The following FANCD2OS variants were observed in gnomAD, a reference collection of about 807,000 sequenced individuals.
FANCD2OS encodes the protein FANCD2 opposite strand protein.
In FANCD2OS, 11 loss-of-function variants were observed where a neutral mutation model predicts 13.2. That is an observed-to-expected ratio of 0.83 (90% CI 0.52 to 1.38). The LOEUF is 1.38. FANCD2OS is among the 40% of genes most tolerant of loss of function. The probability of loss-of-function intolerance (pLI) is 0.00; values close to 1 mark genes in which losing one functional copy is unlikely to be tolerated. For synonymous variants in FANCD2OS, 69 were observed against 84.5 expected (o/e 0.82, Z 1.01); for missense variants, 217 against 213.9 (o/e 1.01, Z -0.09).
rs771839228 is a variant in FANCD2OS, at chr3:10,094,333, G to A, written c.*43+9865C>T. 8.7e-6 allele frequency: 14 copies of A among 1,613,774 alleles called. No homozygotes were observed. The highest frequency in any genetic ancestry group is 4.0e-5 in the African/African-American group (3 of 74,870). Reference sequence around the variant, plus strand: ...AAGCATTTCTGAAGCAATGTATGCCGCTCCTAGACTTCAGTTTTAGAAAAC... The same window carrying A: ...AAGCATTTCTGAAGCAATGTATGCCACTCCTAGACTTCAGTTTTAGAAAAC... On this transcript the variant is annotated intron_variant, in intron 2 of 2. Coordinates refer to the FANCD2OS transcript ENST00000524279.
chr3:10,107,405 A>G (rs551924853), intron 1 of FANCD2OS, among the ~76,000 whole-genome samples: 3 of 151,898 alleles, frequency 2.0e-5, no homozygotes, highest in African/African-American at 7.2e-5. Flanking sequence ...CTCCTGCCTC[A>G]GCCTCCCGTA....
In FANCD2OS at chr3:10,104,136, G is replaced by A. The variant is rs1695401636; in HGVS notation, c.*105C>T. ...TCACTGCTTGAAACAAAAGCAAGAT[G>A]GCTGGGACAATGTCACAGTTTCATT... On this transcript the variant is annotated 3_prime_UTR_variant, in exon 2 of 2. Transcript: ENST00000450660. The A allele has an allele frequency of 5.6e-6, 6 of 1,078,826 alleles. No homozygotes were observed. In the Admixed American group the frequency reaches 1.8e-4, roughly 32 times the overall value. The allele number at this position is 1,078,826 out of a possible 1,614,324, so 66.8% of individuals were successfully genotyped here.
intron 2 of FANCD2OS, chr3:10,090,154 C>T: frequency 1.5e-6 from 1 of 678,630 alleles, no homozygotes; most frequent in South Asian, 1.5e-5. Flanking sequence ...TTCCGCTCCC[C>T]CATCCTCTTA....
chr3:10,093,618 A>C (rs1184274112), intron 2 of FANCD2OS, among the ~76,000 whole-genome samples: 1 of 152,080 alleles, frequency 6.6e-6, no homozygotes, highest in Non-Finnish European at 1.5e-5. Flanking sequence ...CTTACCAGGC[A>C]AAAGGGAGGA....
Position 10,104,275 on chromosome 3 carries a change from T to G in FANCD2OS, c.500A>C (p.Lys167Thr). 6.2e-7 allele frequency: 1 copy of G among 1,612,816 alleles called. No individual in the cohort carries two copies. The highest frequency in any genetic ancestry group is 8.5e-7 in the Non-Finnish European group (1 of 1,179,414). Reference sequence around the variant, plus strand: ...GTGCTGCAAGGCAAAGGTGCACTTTTTGTAAGTTGCATACAGCAAGAGGAT... The same window carrying G: ...GTGCTGCAAGGCAAAGGTGCACTTTGTGTAAGTTGCATACAGCAAGAGGAT... ...RSILLLYATY[K>T]KCTFALQHSK Residue 167 changes from lysine to threonine, a missense_variant, in exon 2 of 2, where the codon AAA (lysine) becomes ACA (threonine). Transcript: ENST00000450660.
At chr3:10,088,832 T>G in intron 2 of FANCD2OS, 1 of 1,614,094 alleles carries the variant, frequency 6.2e-7, no homozygotes, top group Admixed American at 1.7e-5. Flanking sequence ...ATGCAGTATC[T>G]ACCTGGAGCA....
chr3:10,096,222 C>G (rs1381317483), intron 2 of FANCD2OS: 2 of 1,211,538 alleles, frequency 1.7e-6, no homozygotes, highest in Non-Finnish European at 2.4e-6. Context: ...TTGGCCCATA[C>G]TGGCAGGGCT....
chr3:10,085,823 C>G (rs1694161305), intron 2 of FANCD2OS: 2 of 1,612,446 alleles, frequency 1.2e-6, no homozygotes, highest in Non-Finnish European at 1.7e-6. Flanking sequence ...AGTGGATTTT[C>G]TCAACCTGAA....
Position 10,090,331 on chromosome 3 carries a change from A to G in FANCD2OS, c.*44-8800T>C, listed in dbSNP as rs1333021443. ...TTTTCTTCCGTGTGATGATGGCTGAACTAGAGAAGACGGTGAAAAAAATTG... is the reference window on the plus strand; with the variant it reads ...TTTTCTTCCGTGTGATGATGGCTGAGCTAGAGAAGACGGTGAAAAAAATTG... On this transcript the variant is annotated intron_variant, in intron 2 of 2. Transcript: ENST00000524279. 1.2e-6 allele frequency: 2 copies of G among 1,613,538 alleles called. No individual in the cohort carries two copies. The highest frequency in any genetic ancestry group is 1.7e-5 in the Admixed American group (1 of 59,984).
chr3:10,085,736 G>A (rs1559402584), intron 2 of FANCD2OS: 3 of 937,964 alleles, frequency 3.2e-6, no homozygotes, highest in Non-Finnish European at 5.3e-6. Flanking sequence ...GTACAGACTG[G>A]AGGCCAGGAT....
At chr3:10,100,150 A>T (rs1695216948), downstream of FANCD2OS, among the ~76,000 whole-genome samples, 1 of 152,218 alleles carries the variant, frequency 6.6e-6, no homozygotes, top group African/African-American at 2.4e-5. Context: ...ATCACACTCC[A>T]GCCTGGATGA....
chr3:10,087,014 G>A, intron 2 of FANCD2OS: 1 of 1,071,764 alleles, frequency 9.3e-7, no homozygotes, highest in Non-Finnish European at 1.4e-6. Context: ...CTGAAAATAA[G>A]GAGGATTCTG....
At chr3:10,087,584 A>G (rs35015252) in intron 2 of FANCD2OS, among the ~76,000 whole-genome samples, 1 of 152,098 alleles carries the variant, frequency 6.6e-6, no homozygotes, top group Non-Finnish European at 1.5e-5. Context: ...TCATGAGGTT[A>G]ATAAAGTAGG....
chr3:10,083,226 CA>C (rs949468343), intron 2 of FANCD2OS, among the ~76,000 whole-genome samples: 187 of 132,154 alleles, frequency 1.4e-3, no homozygotes, highest in Middle Eastern at 3.9e-3. Flanking sequence ...GACCCCATCT[CA>C]AAAAAAAAAA....
chr3:10,089,006 G>A, intron 2 of FANCD2OS: 6 of 1,587,856 alleles, frequency 3.8e-6, no homozygotes, highest in Non-Finnish European at 5.2e-6. Flanking sequence ...CATCAGGCTG[G>A]GCACGGTGGC....
In FANCD2OS at chr3:10,088,913, A is replaced by G. The variant is rs367552677; in HGVS notation, c.*44-7382T>C. ...TGTCCCAGAACTGATCAACTCTCCT[A>G]AAGATGCATCTTCCTCCACATTCCC... is the stretch of plus-strand genomic sequence containing the variant. On this transcript the variant is annotated intron_variant, in intron 2 of 2. Coordinates refer to the FANCD2OS transcript ENST00000524279. 1.7e-5 allele frequency: 28 copies of G among 1,613,828 alleles called. No individual in the cohort carries two copies. Among genetic ancestry groups the G allele is most frequent in the East Asian group, 2.2e-5 (1 of 44,866 alleles).
downstream of FANCD2OS, chr3:10,098,603 T>C: frequency 7.9e-7 from 1 of 1,262,348 alleles, no homozygotes; most frequent in African/African-American, 1.5e-5. Flanking sequence ...CCATGTTTGC[T>C]GTGTTTTGAA....
At chr3:10,094,360 C>A (rs1373464717) in intron 2 of FANCD2OS, 1 of 1,612,906 alleles carries the variant, frequency 6.2e-7, no homozygotes, top group East Asian at 2.2e-5. Context: ...TTAGAAAACA[C>A]CGGGTAAGAG....
chr3:10,105,996 T>C (rs1391386048), intron 1 of FANCD2OS, among the ~76,000 whole-genome samples: 1 of 151,624 alleles, frequency 6.6e-6, no homozygotes, highest in African/African-American at 2.4e-5. Flanking sequence ...GAATTTCTTA[T>C]GCTATTCCTT....
Sources: allele counts gnomAD v4.1 joint callset (sites outside exome capture counted in the v4.1 genomes callset), GRCh38; gene constraint gnomAD v4.1.1; transcripts MANE v1.5; gene names NCBI Gene and HGNC (gene_info 2026-07-23, HGNC 2026-07-21).